CDH18: variants seen among roughly 807,000 people sequenced by gnomAD.
The protein encoded by CDH18 is cadherin 18.
A neutral mutation model predicts 67.9 loss-of-function variants in CDH18; 31 were observed. The ratio of observed to expected loss-of-function variants is 0.46; its 90% CI spans 0.34 to 0.62. CDH18 has a LOEUF of 0.62. Ranked by LOEUF, CDH18 falls within the 20% of genes least tolerant of loss-of-function variation. CDH18 has a pLI of 0.01. For missense variants in CDH18, 890 were observed against 975.5 expected, an observed-to-expected ratio of 0.91 and a Z score of 1.17; for synonymous variants, 362 against 347.2, an observed-to-expected ratio of 1.04 and a Z score of -0.48.
At chr5:19,927,014 T>G (rs1750860460) in intron 2 of CDH18, among the ~76,000 whole-genome samples, 2 of 152,128 alleles carry the variant, frequency 1.3e-5, no homozygotes. Flanking sequence ...GCTACAGAAT[T>G]GTTTTAGTCA....
chr5:19,723,509 G>A (rs749746180), intron 4 of CDH18, among the ~76,000 whole-genome samples: 8 of 152,212 alleles, frequency 5.3e-5, no homozygotes, highest in Non-Finnish European at 1.0e-4. Flanking sequence ...CTCAGAGGAT[G>A]AGAGCTGTGT....
intron 5 of CDH18, among the ~76,000 whole-genome samples, chr5:19,703,791 C>A (rs1455986203): frequency 7.0e-6 from 1 of 143,446 alleles, no homozygotes; most frequent in Non-Finnish European, 1.5e-5. Flanking sequence ...TTTTAAAATA[C>A]TTAAAGGATT....
At chr5:19,541,036 T>A (rs1750186527) in intron 9 of CDH18, among the ~76,000 whole-genome samples, 1 of 152,046 alleles carries the variant, frequency 6.6e-6, no homozygotes, top group South Asian at 2.1e-4. Context: ...CCTCTTGAAC[T>A]CTTTGTCGCT....
chr5:20,200,312 C>T (rs1035562360), intron 2 of CDH18, among the ~76,000 whole-genome samples: 1 of 152,070 alleles, frequency 6.6e-6, no homozygotes, highest in African/African-American at 2.4e-5. Context: ...GGGTCTTTTG[C>T]TTACAAACTA....
At position 20,485,367 on chromosome 5, in the gene CDH18, C is replaced by A. The variant is rs866643527; in HGVS notation, c.-580+90095G>T. On this transcript the variant is annotated intron_variant, in intron 1 of 14. Coordinates refer to the CDH18 transcript ENST00000507958. ...ATTCAAAGAACTAACACACTTCTAA[C>A]AAAAGGGACAGGACACCATTTATCT... is the stretch of plus-strand genomic sequence containing the variant. Among the ~76,000 whole-genome samples, 7 of 152,232 alleles carry A rather than the reference C, an allele frequency of 4.6e-5. No homozygotes were observed. The Middle Eastern group carries it at 0.014, about 296-fold the overall frequency.
intron 1 of CDH18, among the ~76,000 whole-genome samples, chr5:20,333,542 C>CAA (rs1202360418): frequency 6.8e-6 from 1 of 146,640 alleles, no homozygotes; most frequent in Non-Finnish European, 1.5e-5. Flanking sequence ...CACACACACA[C>CAA]ACACACACAT....
At chr5:20,157,331 C>T (rs73762524) in intron 2 of CDH18, among the ~76,000 whole-genome samples, 5,604 of 152,124 alleles carry the variant, frequency 0.037, 348 homozygotes, top group African/African-American at 0.13. Context: ...AGAATGTAAA[C>T]AATGTTTTCT....
At position 20,345,335 on chromosome 5, in the gene CDH18, A is replaced by G. The variant is rs151322380; in HGVS notation, c.-579-89830T>C. On this transcript the variant is annotated intron_variant, in intron 1 of 14. Transcript: ENST00000507958. ...ATTCTCACGATAAGGCAACTTTGCCAAGGATCCCTTAATCCGGAACACCCA... is the reference window on the plus strand; with the variant it reads ...ATTCTCACGATAAGGCAACTTTGCCGAGGATCCCTTAATCCGGAACACCCA... Among the ~76,000 whole-genome samples the G allele has an allele frequency of 7.4e-3, 1,134 of 152,266 alleles. 12 individuals carry two copies. Among genetic ancestry groups the G allele is most frequent in the African/African-American group, 0.026 (1,068 of 41,574 alleles).
At chr5:20,223,902 C>G (rs1013453085) in intron 2 of CDH18, among the ~76,000 whole-genome samples, 11 of 152,202 alleles carry the variant, frequency 7.2e-5, no homozygotes, top group Middle Eastern at 3.4e-3. Flanking sequence ...AATTAAACAT[C>G]TTTCCTTCAT....
At chr5:19,880,798 T>G (rs1232324772) in intron 2 of CDH18, among the ~76,000 whole-genome samples, 1 of 152,226 alleles carries the variant, frequency 6.6e-6, no homozygotes, top group East Asian at 1.9e-4. Context: ...AACACTTGTA[T>G]GCTCATAGAG....
chr5:20,032,338 A>G (rs1050802808), intron 2 of CDH18, among the ~76,000 whole-genome samples: 2 of 151,900 alleles, frequency 1.3e-5, no homozygotes, highest in African/African-American at 4.8e-5. Context: ...CAAGAGCAAG[A>G]TATTTTTCAG....
intron 2 of CDH18, among the ~76,000 whole-genome samples, chr5:19,911,083 A>G (rs573615338): frequency 2.0e-4 from 30 of 152,226 alleles, no homozygotes; most frequent in African/African-American, 6.7e-4. Context: ...AAGGGCTACC[A>G]TGGCTGCCAC....
At chr5:19,769,055 A>C (rs188130781) in intron 3 of CDH18, among the ~76,000 whole-genome samples, 13 of 152,140 alleles carry the variant, frequency 8.5e-5, no homozygotes, top group Non-Finnish European at 1.8e-4. Context: ...CAAAAAAATA[A>C]ACAGCATATA....
intron 3 of CDH18, among the ~76,000 whole-genome samples, chr5:19,768,385 A>C (rs1773345933): frequency 6.6e-6 from 1 of 152,216 alleles, no homozygotes; most frequent in Non-Finnish European, 1.5e-5. Context: ...AAAATCTAGA[A>C]GTCACATGCA....
rs115544141 is a variant in CDH18 at position 19,715,809 on chromosome 5, C to A, written c.643+5538G>T. On this transcript the variant is annotated intron_variant, in intron 5 of 12. Coordinates refer to ENST00000382275, the MANE Select transcript of CDH18 (RefSeq NM_004934.5). ...ATGTAGTAATTTTGGAAATTCTTGTCGATCTCTTTTTTTTTTTTTTTTTGA... is the reference window on the plus strand; with the variant it reads ...ATGTAGTAATTTTGGAAATTCTTGTAGATCTCTTTTTTTTTTTTTTTTTGA... 1.0e-4 allele frequency among the ~76,000 whole-genome samples: 14 copies of A among 137,684 alleles called. No individual in the cohort carries two copies. In the South Asian group the frequency reaches 3.5e-3, roughly 34 times the overall value. The allele number at this position is 137,684 out of a possible 152,430, so 90.3% of individuals were successfully genotyped here.
intron 1 of CDH18, among the ~76,000 whole-genome samples, chr5:20,444,427 T>C (rs1295909370): frequency 6.6e-6 from 1 of 152,158 alleles, no homozygotes; most frequent in Admixed American, 6.6e-5. Flanking sequence ...TCCCAGCTAC[T>C]TGGGAGGCTG....
chr5:19,714,641 A>T (rs1056848914), intron 5 of CDH18, among the ~76,000 whole-genome samples: 1 of 151,974 alleles, frequency 6.6e-6, no homozygotes, highest in East Asian at 1.9e-4. Context: ...TAAAATAATT[A>T]TTTTTAAATG....
intron 1 of CDH18, among the ~76,000 whole-genome samples, chr5:20,387,425 T>C (rs1442646490): frequency 6.6e-6 from 1 of 152,224 alleles, no homozygotes; most frequent in Non-Finnish European, 1.5e-5. Context: ...TTTTTTATCC[T>C]GAGACTTTGT....
At chr5:20,467,998 T>TGTTTATG (rs1751771701) in intron 1 of CDH18, among the ~76,000 whole-genome samples, 1 of 118,158 alleles carries the variant, frequency 8.5e-6, no homozygotes, top group African/African-American at 2.8e-5. Flanking sequence ...ATTTATGTAT[T>TGTTTATG]TATTTATGTA....
Sources: gnomAD v4.1 joint callset for allele counts (sites outside exome capture counted in the v4.1 genomes callset) on GRCh38, gnomAD v4.1.1 for gene constraint, MANE v1.5 for transcripts, NCBI Gene and HGNC (gene_info 2026-07-23, HGNC 2026-07-21) for gene names.